Variants in FSTL5 observed in about 807,000 individuals in gnomAD.
The protein encoded by FSTL5 is follistatin-related protein 5.
A neutral mutation model predicts 89.1 loss-of-function variants in FSTL5; 62 were observed. That is an observed-to-expected ratio of 0.70 (90% CI 0.57 to 0.86). The LOEUF is 0.86. Among genes scored for constraint, FSTL5 ranks in the 40% least tolerant of loss-of-function variants. The pLI, the probability that FSTL5 is intolerant of heterozygous loss-of-function variation, is 0.00. For synonymous variants in FSTL5, 383 were observed against 346.2 expected, an observed-to-expected ratio of 1.11 and a Z score of -1.18; for missense variants, 1,057 against 1,001.6, an observed-to-expected ratio of 1.06 and a Z score of -0.75.
At chr4:161,557,162 C>G (rs1732423328) in intron 8 of FSTL5, among the ~76,000 whole-genome samples, 1 of 151,146 alleles carries the variant, frequency 6.6e-6, no homozygotes, top group African/African-American at 2.4e-5. Flanking sequence ...ATACTTTAAC[C>G]AACAACTTTC....
chr4:161,790,042 A>T (rs1361571778), intron 4 of FSTL5, among the ~76,000 whole-genome samples: 1 of 152,180 alleles, frequency 6.6e-6, no homozygotes, highest in African/African-American at 2.4e-5. Context: ...ATTAAATAGG[A>T]TGTTATTATT....
At chr4:161,651,831 C>T (rs557518301) in intron 7 of FSTL5, among the ~76,000 whole-genome samples, 1 of 152,212 alleles carries the variant, frequency 6.6e-6, no homozygotes, top group Admixed American at 6.5e-5. Flanking sequence ...CATAATGGCT[C>T]CTGCAGTTTG....
At position 161,761,963 on chromosome 4, in the gene FSTL5, G is replaced by A. The variant is rs542387805; in HGVS notation, c.607-2432C>T. 8.2e-4 allele frequency among the ~76,000 whole-genome samples: 125 copies of A among 152,164 alleles called. 1 individual carries two copies. Among genetic ancestry groups the A allele is most frequent in the Non-Finnish European group, 1.4e-3 (96 of 67,992 alleles). On this transcript the variant is annotated intron_variant, in intron 5 of 15. Transcript: ENST00000306100. Reference sequence around the variant, plus strand: ...TTCATGTGTCCTGAGGGGAAGCTTTGTCACATTCTGGTGTTTACTAATGAG... The same window carrying A: ...TTCATGTGTCCTGAGGGGAAGCTTTATCACATTCTGGTGTTTACTAATGAG...
intron 13 of FSTL5, among the ~76,000 whole-genome samples, chr4:161,467,186 A>G (rs1419907432): frequency 3.3e-5 from 5 of 152,066 alleles, no homozygotes; most frequent in Non-Finnish European, 7.4e-5. Context: ...CCTCATTTCT[A>G]TATCCATACT....
intron 8 of FSTL5, among the ~76,000 whole-genome samples, chr4:161,569,781 A>G (rs2126583742): frequency 6.6e-6 from 1 of 151,664 alleles, no homozygotes; most frequent in South Asian, 2.1e-4. Flanking sequence ...ACACACACAC[A>G]CACACACACA....
chr4:161,693,344 A>T (rs1738018765), intron 6 of FSTL5, among the ~76,000 whole-genome samples: 2 of 151,226 alleles, frequency 1.3e-5, no homozygotes, highest in Admixed American at 6.6e-5. Context: ...GTTTCCTCTT[A>T]TATTTTTGTA....
chr4:161,684,348 C>T (rs1012075514), intron 6 of FSTL5, among the ~76,000 whole-genome samples: 3 of 152,140 alleles, frequency 2.0e-5, no homozygotes, highest in African/African-American at 7.2e-5. Context: ...TAAGGAATTT[C>T]CACACTGCTT....
At chr4:161,694,451 T>G (rs911580657) in intron 6 of FSTL5, among the ~76,000 whole-genome samples, 1 of 149,900 alleles carries the variant, frequency 6.7e-6, no homozygotes, top group Non-Finnish European at 1.5e-5. Context: ...AGAATTTCTG[T>G]TTTTTTTATA....
At chr4:161,402,312 A>T (rs1297358208) in intron 15 of FSTL5, among the ~76,000 whole-genome samples, 1 of 152,234 alleles carries the variant, frequency 6.6e-6, no homozygotes, top group Admixed American at 6.5e-5. Flanking sequence ...AATAATCTGA[A>T]TTATTAATAA....
intron 6 of FSTL5, among the ~76,000 whole-genome samples, chr4:161,715,673 C>T (rs895062725): frequency 6.6e-6 from 1 of 152,152 alleles, no homozygotes; most frequent in African/African-American, 2.4e-5. Context: ...ATCTCAATAG[C>T]TCCACTTAGA....
chr4:162,083,806 TAAAG>T (rs1192381161), intron 2 of FSTL5, among the ~76,000 whole-genome samples: 2 of 151,716 alleles, frequency 1.3e-5, no homozygotes, highest in African/African-American at 4.8e-5. Context: ...ACTGAAAACA[TAAAG>T]AAAACATTAA....
chr4:161,503,320 T>C (rs187657628), intron 11 of FSTL5, among the ~76,000 whole-genome samples: 1 of 151,836 alleles, frequency 6.6e-6, no homozygotes, highest in East Asian at 1.9e-4. Flanking sequence ...ACATGATATA[T>C]AACCAGACTT....
At chr4:161,782,884 A>T (rs1741721290) in intron 4 of FSTL5, among the ~76,000 whole-genome samples, 2 of 152,164 alleles carry the variant, frequency 1.3e-5, no homozygotes, top group Non-Finnish European at 2.9e-5. Context: ...TATCCAGGTA[A>T]CTTTGCTCTT....
At chr4:161,708,783 T>C (rs1342835606) in intron 6 of FSTL5, among the ~76,000 whole-genome samples, 1 of 152,152 alleles carries the variant, frequency 6.6e-6, no homozygotes, top group Non-Finnish European at 1.5e-5. Flanking sequence ...ATCTTATTGT[T>C]TGCCTGCCAG....
intron 7 of FSTL5, among the ~76,000 whole-genome samples, chr4:161,621,044 G>C (rs761376060): frequency 1.3e-5 from 2 of 152,192 alleles, no homozygotes; most frequent in African/African-American, 2.4e-5. Context: ...CTCTTAACCA[G>C]TTTGACCAGT....
intron 6 of FSTL5, among the ~76,000 whole-genome samples, chr4:161,749,138 T>G (rs1477183755): frequency 6.6e-6 from 1 of 152,036 alleles, no homozygotes; most frequent in Non-Finnish European, 1.5e-5. Context: ...GAACTAAAAG[T>G]AGAACTACCA....
intron 4 of FSTL5, among the ~76,000 whole-genome samples, chr4:161,805,226 A>G (rs1729926370): frequency 6.6e-6 from 1 of 152,126 alleles, no homozygotes; most frequent in South Asian, 2.1e-4. Flanking sequence ...TTCCTGATAC[A>G]ATTTTCACAT....
chr4:161,699,724 C>T (rs766239534), intron 6 of FSTL5, among the ~76,000 whole-genome samples: 10 of 152,276 alleles, frequency 6.6e-5, no homozygotes, highest in East Asian at 1.9e-4. Context: ...CCCCAGACTA[C>T]GTATCCTGAG....
intron 7 of FSTL5, among the ~76,000 whole-genome samples, chr4:161,594,800 T>C (rs916985946): frequency 6.6e-6 from 1 of 151,902 alleles, no homozygotes; most frequent in African/African-American, 2.4e-5. Context: ...AAACAGCATA[T>C]TTCAGTATAT....
Sources: gnomAD v4.1 joint callset for allele counts (sites outside exome capture counted in the v4.1 genomes callset) on GRCh38, gnomAD v4.1.1 for gene constraint, MANE v1.5 for transcripts, NCBI Gene and HGNC (gene_info 2026-07-23, HGNC 2026-07-21) for gene names.